The following GRIN2B variants were observed in gnomAD, a reference collection of about 807,000 sequenced individuals.
GRIN2B encodes the protein glutamate ionotropic receptor NMDA type subunit 2B, also known as glutamate receptor ionotropic, NMDA 2B.
GRIN2B carries 5 observed loss-of-function variants against 114.5 expected under a neutral mutation model. That is an observed-to-expected ratio of 0.04 (90% CI 0.02 to 0.09). GRIN2B has a LOEUF of 0.09. Ranked by LOEUF, GRIN2B falls within the 10% of genes least tolerant of loss-of-function variation. GRIN2B has a pLI of 1.00. For missense variants in GRIN2B, 1,108 were observed against 1,943.5 expected (o/e 0.57, Z 8.08); for synonymous variants, 787 against 745.1 (o/e 1.06, Z -0.92).
rs774262904 is a variant in GRIN2B at position 13,924,578 on chromosome 12, T to C, written c.-19+55350A>G. ...GGCCATCTAACCTCACCCTCCTGAC[T>C]GCTCTCTCCTGGCCAATGCTAACCA... On this transcript the variant is annotated intron_variant, in intron 2 of 13. Coordinates refer to ENST00000609686, the MANE Select transcript of GRIN2B (RefSeq NM_000834.5). Among the ~76,000 whole-genome samples the C allele has an allele frequency of 2.0e-4, 30 of 152,292 alleles. 1 individual carries two copies. The highest frequency in any genetic ancestry group is 8.3e-4 in the South Asian group (4 of 4,826).
intron 3 of GRIN2B, among the ~76,000 whole-genome samples, chr12:13,763,191 G>A (rs1863713955): frequency 6.6e-6 from 1 of 151,956 alleles, no homozygotes; most frequent in South Asian, 2.1e-4. Flanking sequence ...ATAAGACTTT[G>A]AACTTTAGTC....
chr12:13,916,488 A>G (rs1014205238), intron 2 of GRIN2B, among the ~76,000 whole-genome samples: 10 of 152,128 alleles, frequency 6.6e-5, no homozygotes, highest in Admixed American at 5.2e-4. Flanking sequence ...GACAAAAACA[A>G]AACAAAAATC....
In GRIN2B at chr12:13,905,340, G is replaced by A. The variant is rs151259620; in HGVS notation, c.-18-39114C>T. ...AAATCAGCTGCTAGATCAATCAGAT[G>A]AGCTTTTATTACACTTTCAGTTATT... On this transcript the variant is annotated intron_variant, in intron 2 of 13. Transcript: ENST00000609686. Among the ~76,000 whole-genome samples, 559 of 152,238 alleles carry A rather than the reference G, an allele frequency of 3.7e-3. 2 individuals carry two copies. Among genetic ancestry groups the A allele is most frequent in the African/African-American group, 0.013 (528 of 41,560 alleles).
chr12:13,870,945 T>G (rs575440758), intron 2 of GRIN2B, among the ~76,000 whole-genome samples: 1 of 152,084 alleles, frequency 6.6e-6, no homozygotes, highest in Non-Finnish European at 1.5e-5. Context: ...AATTTTAATA[T>G]CAAGACAAAA....
At chr12:13,695,505 A>G (rs1366184897) in intron 4 of GRIN2B, among the ~76,000 whole-genome samples, 4 of 152,210 alleles carry the variant, frequency 2.6e-5, no homozygotes, top group Non-Finnish European at 5.9e-5. Context: ...CTTGGCAAAG[A>G]AGAGAAGAAT....
intron 3 of GRIN2B, among the ~76,000 whole-genome samples, chr12:13,808,748 A>ATATATATATATATATAT (rs1388525573): frequency 0.01 from 1,140 of 109,520 alleles, 19 homozygotes; most frequent in Non-Finnish European, 0.015. Context: ...TATAATAAAA[A>ATATATATATATATATAT]AAAAATATAT....
chr12:13,665,165 GTT>G (rs758068254), intron 5 of GRIN2B, among the ~76,000 whole-genome samples: 45 of 23,704 alleles, frequency 1.9e-3, no homozygotes, highest in Middle Eastern at 0.033. Context: ...GTGTGTGTGT[GTT>G]TGTGTGTGTG....
At chr12:13,969,586 A>T (rs971626649) in intron 2 of GRIN2B, among the ~76,000 whole-genome samples, 1 of 152,216 alleles carries the variant, frequency 6.6e-6, no homozygotes, top group Admixed American at 6.5e-5. Context: ...TTCCTCATAG[A>T]TAACTATATT....
At chr12:13,860,051 G>C (rs1375250123) in intron 3 of GRIN2B, among the ~76,000 whole-genome samples, 1 of 152,150 alleles carries the variant, frequency 6.6e-6, no homozygotes, top group Non-Finnish European at 1.5e-5. Context: ...TAGCCATCTT[G>C]GTTTCAAGAT....
chr12:13,772,117 C>T (rs1361743294), intron 3 of GRIN2B, among the ~76,000 whole-genome samples: 10 of 152,218 alleles, frequency 6.6e-5, no homozygotes, highest in Non-Finnish European at 1.5e-4. Context: ...ATTGAGGATA[C>T]TGATTCCACT....
intron 9 of GRIN2B, among the ~76,000 whole-genome samples, chr12:13,609,445 C>T (rs1277598559): frequency 6.6e-6 from 1 of 152,104 alleles, no homozygotes; most frequent in East Asian, 1.9e-4. Context: ...CCAACACTTC[C>T]CAACTGGTTT....
rs115607506 is a variant in GRIN2B, at chr12:13,656,904, T to C, written c.1125+18841A>G. ...TGGAAACCGAAGCCCAGGGACATTT[T>C]GTGACTTGTCCAAGGTCACCCACTA... On this transcript the variant is annotated intron_variant, in intron 5 of 13. Coordinates refer to ENST00000609686, the MANE Select transcript of GRIN2B (RefSeq NM_000834.5). Among the ~76,000 whole-genome samples the C allele has an allele frequency of 1.9e-3, 283 of 152,346 alleles. 3 individuals are homozygous for C. Among genetic ancestry groups the C allele is most frequent in the African/African-American group, 6.5e-3 (271 of 41,594 alleles).
chr12:13,573,092 G>A (rs1196935722), intron 10 of GRIN2B, among the ~76,000 whole-genome samples: 2 of 144,668 alleles, frequency 1.4e-5, no homozygotes, highest in African/African-American at 2.6e-5. Flanking sequence ...GTCCTCATTT[G>A]TAAGAAGGAG....
chr12:13,715,324 C>A (rs1166205792), intron 4 of GRIN2B, among the ~76,000 whole-genome samples: 1 of 151,852 alleles, frequency 6.6e-6, no homozygotes, highest in Non-Finnish European at 1.5e-5. Flanking sequence ...AGGAGTCTGG[C>A]TAGTAACATT....
intron 2 of GRIN2B, among the ~76,000 whole-genome samples, chr12:13,924,781 G>T (rs1452878532): frequency 1.3e-5 from 2 of 152,192 alleles, no homozygotes; most frequent in South Asian, 2.1e-4. Flanking sequence ...CCTCCAAAGT[G>T]TGTAATTTTT....
intron 4 of GRIN2B, among the ~76,000 whole-genome samples, chr12:13,735,856 G>A (rs1863169042): frequency 6.6e-6 from 1 of 151,858 alleles, no homozygotes; most frequent in Admixed American, 6.6e-5. Flanking sequence ...GTGTGGAGAA[G>A]TAGGATCCTT....
intron 10 of GRIN2B, among the ~76,000 whole-genome samples, chr12:13,581,594 A>G: frequency 6.6e-6 from 1 of 152,194 alleles, no homozygotes; most frequent in East Asian, 1.9e-4. Context: ...TGTGAAAAGG[A>G]GGTAATCTGT....
intron 4 of GRIN2B, among the ~76,000 whole-genome samples, chr12:13,690,541 C>T (rs1460331583): frequency 6.6e-6 from 1 of 152,072 alleles, no homozygotes; most frequent in African/African-American, 2.4e-5. Flanking sequence ...TGACTTCATT[C>T]TTGCCCAGAC....
At chr12:13,702,378 C>T (rs1353765125) in intron 4 of GRIN2B, among the ~76,000 whole-genome samples, 2 of 152,178 alleles carry the variant, frequency 1.3e-5, no homozygotes, top group East Asian at 3.8e-4. Flanking sequence ...GCAGTCAGAG[C>T]ATGTACATGG....
Sources: gnomAD v4.1 joint callset for allele counts (sites outside exome capture counted in the v4.1 genomes callset) on GRCh38, gnomAD v4.1.1 for gene constraint, MANE v1.5 for transcripts, NCBI Gene and HGNC (gene_info 2026-07-23, HGNC 2026-07-21) for gene names.